The following GRTP1 variants were observed in gnomAD, a reference collection of about 807,000 sequenced individuals.
The protein encoded by GRTP1 is growth hormone-regulated TBC protein 1.
A neutral mutation model predicts 38.1 loss-of-function variants in GRTP1; 56 were observed. The ratio of observed to expected loss-of-function variants is 1.47; its 90% CI spans 1.19 to 1.84. The LOEUF (loss-of-function observed/expected upper bound fraction) is 1.84, where lower values mean the gene tolerates loss of function less well. Among genes scored for constraint, GRTP1 ranks in the 40% most tolerant of loss-of-function variants. The pLI, the probability that GRTP1 is intolerant of heterozygous loss-of-function variation, is 0.00. For missense variants in GRTP1, 506 were observed against 453.9 expected (o/e 1.11, Z -1.04); for synonymous variants, 217 against 189.5 (o/e 1.14, Z -1.19).
In GRTP1 at chr13:113,325,970, C is replaced by G. The variant is rs568632697; in HGVS notation, c.684G>C (p.Leu228=). The change falls in exon 6 of 8, where the codon CTG becomes CTC. Residue 228 remains leucine (L), a synonymous_variant. Transcript: ENST00000375431. ...LMERLGVLWT[L]LVSRWFICLF... ...GGCAGATGAACCAGCGGGACACCAG[C>G]AGCGTCCACAGCACACCGAGACGCT... 2.5e-6 allele frequency: 4 copies of G among 1,613,938 alleles called. No homozygotes were observed. The African/African-American group carries it at 5.3e-5, about 22-fold the overall frequency.
rs536868312 is a variant in GRTP1 at position 113,338,269 on chromosome 13, C to T, written c.562+6594G>A. On this transcript the variant is annotated intron_variant, in intron 5 of 7. Transcript: ENST00000375431. ...TCTTCATGGGCTCTACAAGAGGCCG[C>T]GGGTGTGGCAGGTGTTCTGGGCTGA... Among the ~76,000 whole-genome samples the T allele has an allele frequency of 2.0e-5, 3 of 152,222 alleles. No homozygotes were observed. The South Asian group carries it at 6.2e-4, about 32-fold the overall frequency.
At chr13:113,330,763 C>T (rs76567908) in intron 5 of GRTP1, among the ~76,000 whole-genome samples, 105 of 134 alleles carry the variant, frequency 0.78, 49 homozygotes, top group African/African-American at 0.86. Flanking sequence ...CAGGTGTGTG[C>T]GTGGAAACTC....
At chr13:113,329,809 TTATC>T (rs1169615891) in intron 5 of GRTP1, among the ~76,000 whole-genome samples, 1 of 152,236 alleles carries the variant, frequency 6.6e-6, no homozygotes, top group African/African-American at 2.4e-5. Flanking sequence ...GTTCCGATCT[TTATC>T]TAGACTTCTC....
intron 2 of GRTP1, among the ~76,000 whole-genome samples, chr13:113,361,189 A>AT (rs2043490568): frequency 6.9e-6 from 1 of 144,610 alleles, no homozygotes; most frequent in Non-Finnish European, 1.5e-5. Flanking sequence ...ATTTTTAGAA[A>AT]GAGTTGATAG....
chr13:113,336,272 A>G (rs554901232), intron 5 of GRTP1, among the ~76,000 whole-genome samples: 1 of 150,138 alleles, frequency 6.7e-6, no homozygotes, highest in South Asian at 2.1e-4. Flanking sequence ...TCTTCTGGAA[A>G]CACACCCAGC....
At position 113,348,056 on chromosome 13, in the gene GRTP1, G is replaced by A. The variant is rs559274030; in HGVS notation, c.465+2793C>T. On this transcript the variant is annotated intron_variant, in intron 4 of 7. Transcript: ENST00000375431. The surrounding 1 kb of genome is among the most constrained non-coding windows in gnomAD (Gnocchi z 4.8). The stretch of plus-strand genomic sequence containing the variant: ...GCCGAGTGGACCCGGGAGGATCTCC[G>A]TGGCTGAGAATGGACCCCTTTGAGT... 6.1e-4 allele frequency among the ~76,000 whole-genome samples: 93 copies of A among 152,278 alleles called. No individual in the cohort carries two copies. Among genetic ancestry groups the A allele is most frequent in the Non-Finnish European group, 9.7e-4 (66 of 68,012 alleles).
chr13:113,347,351 C>A (rs1227942569), intron 4 of GRTP1, among the ~76,000 whole-genome samples: 1 of 42,368 alleles, frequency 2.4e-5, no homozygotes, highest in Non-Finnish European at 4.9e-5. Context: ...CCTCTGTGGC[C>A]AAGAACAGAT....
chr13:113,325,710 T>C lies in GRTP1; in HGVS notation c.872A>G (p.Lys291Arg), dbSNP rs200423762. The change falls in exon 7 of 8, where the codon AAG becomes AGG. Residue 291 changes from lysine (K) to arginine (R), a missense_variant. Transcript: ENST00000375431. ...CACGAAACTCCCTTTGGTTATCTGCTTAAACTTATCGCAAATGTCTGGAAC... is the reference window on the plus strand; with the variant it reads ...CACGAAACTCCCTTTGGTTATCTGCCTAAACTTATCGCAAATGTCTGGAAC... Reference protein sequence around the residue: ...TSVPDICDKFKQITKGSFVME... With the variant: ...TSVPDICDKFRQITKGSFVME... The C allele has an allele frequency of 4.0e-4, 646 of 1,614,052 alleles. No individual in the cohort carries two copies. Among genetic ancestry groups the C allele is most frequent in the Non-Finnish European group, 5.0e-4 (587 of 1,180,030 alleles).
At chr13:113,326,994 G>A (rs2042784367) in intron 5 of GRTP1, among the ~76,000 whole-genome samples, 1 of 152,200 alleles carries the variant, frequency 6.6e-6, no homozygotes, top group Admixed American at 6.5e-5. Flanking sequence ...CCACTGAACT[G>A]CACAGGGGAA....
chr13:113,330,850 C>A (rs753251580), intron 5 of GRTP1, among the ~76,000 whole-genome samples: 1,370 of 1,982 alleles, frequency 0.69, 588 homozygotes, highest in African/African-American at 0.72. Flanking sequence ...TGGAAGGAAA[C>A]CCAGGTGTGT....
chr13:113,352,254 T>G (rs1371149072), intron 3 of GRTP1, among the ~76,000 whole-genome samples: 1 of 49,984 alleles, frequency 2.0e-5, no homozygotes, highest in Non-Finnish European at 3.8e-5. Flanking sequence ...TTATATATAT[T>G]TATATATTTT....
chr13:113,326,332 C>CCTGGCTGGGCAT (rs1566411334), intron 5 of GRTP1, among the ~76,000 whole-genome samples: 1 of 131,050 alleles, frequency 7.6e-6, no homozygotes, highest in Non-Finnish European at 1.6e-5. Flanking sequence ...CTGGATGCCG[C>CCTGGCTGGGCAT]CTGGCTGGGC....
chr13:113,344,993 T>C (rs1478653163), intron 4 of GRTP1, 34 bp from the exon 5 acceptor site: 32 of 1,581,540 alleles, frequency 2.0e-5, no homozygotes, highest in Non-Finnish European at 2.5e-5. Flanking sequence ...AAATTCACAT[T>C]GAGTTTTAAG....
intron 5 of GRTP1, among the ~76,000 whole-genome samples, chr13:113,331,203 C>G (rs1266187565): frequency 6.6e-6 from 1 of 152,174 alleles, no homozygotes; most frequent in Non-Finnish European, 1.5e-5. Context: ...AGCACCTGCC[C>G]AGCCCCGGCT....
In GRTP1 at chr13:113,332,584, C is replaced by G. The variant is rs975038089; in HGVS notation, c.563-6493G>C. On this transcript the variant is annotated intron_variant, in intron 5 of 7. Transcript: ENST00000375431. ...ACACTAGTCAACACCGACACCACCT[C>G]CCAGTTCCCAGATCCCACCCGACGG... Among the ~76,000 whole-genome samples the G allele has an allele frequency of 2.0e-5, 3 of 152,280 alleles. No individual in the cohort carries two copies. The East Asian group carries it at 5.8e-4, about 29-fold the overall frequency.
At chr13:113,356,735 G>T (rs1336262478) in intron 2 of GRTP1, among the ~76,000 whole-genome samples, 1 of 152,168 alleles carries the variant, frequency 6.6e-6, no homozygotes, top group African/African-American at 2.4e-5. Flanking sequence ...CTACAGTCAA[G>T]AAAAGCACTA....
intron 4 of GRTP1, among the ~76,000 whole-genome samples, chr13:113,345,544 G>A (rs998742726): frequency 3.9e-5 from 6 of 152,336 alleles, no homozygotes; most frequent in African/African-American, 7.2e-5. Context: ...AGGTGACTGC[G>A]TTTTACACGA....
intron 4 of GRTP1, among the ~76,000 whole-genome samples, chr13:113,347,832 A>G (rs1195048349): frequency 2.7e-5 from 4 of 147,396 alleles, no homozygotes; most frequent in Non-Finnish European, 3.0e-5. Context: ...GGCAGAGAGC[A>G]GACCCGGGAG....
rs564522940 is a variant in GRTP1, at chr13:113,338,527, AGATGGGATCTCAGCCCGGG to A, written c.562+6317_562+6335del. Among the ~76,000 whole-genome samples, 27 of 152,176 alleles carry A rather than the reference AGATGGGATCTCAGCCCGGG, an allele frequency of 1.8e-4. No homozygotes were observed. The South Asian group carries it at 5.4e-3, about 30-fold the overall frequency. On this transcript the variant is annotated intron_variant, in intron 5 of 7. Coordinates refer to ENST00000375431, the MANE Select transcript of GRTP1 (RefSeq NM_024719.4). ...TGCAGGCCTTGGGCGGGGAGGCCTG[AGATGGGATCTCAGCCCGGG>A]GATGGGATCTCAGCCTTGCTGGCGG... is the stretch of plus-strand genomic sequence containing the variant.
Sources: gnomAD v4.1 joint callset for allele counts (sites outside exome capture counted in the v4.1 genomes callset) on GRCh38, gnomAD v4.1.1 for gene constraint, Gnocchi (gnomAD v3.1) non-coding constraint, MANE v1.5 for transcripts, NCBI Gene and HGNC (gene_info 2026-07-23, HGNC 2026-07-21) for gene names.